BCL2L13: variants seen among roughly 807,000 people sequenced by gnomAD.
The protein encoded by BCL2L13 is BCL2 like 13, also known as bcl-2-like protein 13.
Under a neutral mutation model 25.8 loss-of-function variants are expected in BCL2L13, and 13 were observed. The ratio of observed to expected loss-of-function variants is 0.50; its 90% CI spans 0.33 to 0.80. The LOEUF (loss-of-function observed/expected upper bound fraction) is 0.80, where lower values mean the gene tolerates loss of function less well. Ranked by LOEUF, BCL2L13 falls within the 30% of genes least tolerant of loss-of-function variation. The pLI, the probability that BCL2L13 is intolerant of heterozygous loss-of-function variation, is 0.02. For missense variants in BCL2L13, 504 were observed against 574.9 expected (o/e 0.88, Z 1.26); for synonymous variants, 244 against 230.3 (o/e 1.06, Z -0.54).
chr22:17,708,851 C>A (rs1257927472), intron 6 of BCL2L13, among the ~76,000 whole-genome samples: 2 of 152,146 alleles, frequency 1.3e-5, no homozygotes. Flanking sequence ...AGATATTATT[C>A]TTCTAATATG....
intron 6 of BCL2L13, among the ~76,000 whole-genome samples, chr22:17,720,154 T>TTTTCTTTCTTTC (rs113046030): frequency 0.026 from 3,711 of 141,798 alleles, 115 homozygotes; most frequent in African/African-American, 0.053. Context: ...GTGGGTTTCA[T>TTTTCTTTCTTTC]TTTCTTTCTT....
In BCL2L13 at chr22:17,659,056, TAAAAAAAAAA is replaced by T. The variant is rs752881083; in HGVS notation, c.121+3242_121+3251del. Among the ~76,000 whole-genome samples the T allele has an allele frequency of 2.5e-4, 7 of 28,094 alleles. 2 individuals are homozygous for T. The highest frequency in any genetic ancestry group is 5.4e-4 in the Admixed American group (1 of 1,862). 18.4% of individuals were successfully genotyped at this position (28,094 alleles called of 152,430 possible). A position where few individuals can be genotyped will look rare whatever the true frequency, so the allele number is the denominator to read the frequency against. On this transcript the variant is annotated intron_variant, in intron 2 of 6. Coordinates refer to ENST00000317582, the MANE Select transcript of BCL2L13 (RefSeq NM_015367.4). ...CTGGACGACAGAGCAAGACTCCATC[TAAAAAAAAAA>T]AAAAAAAAAAAAAAAAAGGCCAGGC... is the stretch of plus-strand genomic sequence containing the variant.
At chr22:17,719,021 G>A (rs969116728) in intron 6 of BCL2L13, among the ~76,000 whole-genome samples, 16 of 151,944 alleles carry the variant, frequency 1.1e-4, no homozygotes, top group African/African-American at 3.9e-4. Context: ...AGGCACAGTG[G>A]TGCATGCCTG....
intron 2 of BCL2L13, among the ~76,000 whole-genome samples, chr22:17,663,073 G>C (rs2059123790): frequency 6.6e-6 from 1 of 151,974 alleles, no homozygotes; most frequent in African/African-American, 2.4e-5. Flanking sequence ...GTCTTGCAGT[G>C]TTGCCCAGGC....
rs768886016 is a variant in BCL2L13 at position 17,727,557 on chromosome 22, CAGAA to C, written c.*24_*27del. ...TAGGAGGCTTTTCAGAAGAGAAAGA[CAGAA>C]GGATGTAAGGTTGGAGTTGTATTGG... On this transcript the variant is annotated 3_prime_UTR_variant, in exon 7 of 7. Coordinates refer to ENST00000317582, the MANE Select transcript of BCL2L13 (RefSeq NM_015367.4). 4.3e-6 allele frequency: 7 copies of C among 1,611,126 alleles called. No individual in the cohort carries two copies. The highest frequency in any genetic ancestry group is 1.7e-5 in the Admixed American group (1 of 59,910).
chr22:17,703,238 CAT>C (rs1320087791), intron 6 of BCL2L13: 2 of 152,062 alleles, frequency 1.3e-5, no homozygotes, highest in Non-Finnish European at 2.9e-5. Flanking sequence ...TGTTTCAGAA[CAT>C]GTATTCTCTA....
chr22:17,673,612 C>T (rs912996726), intron 2 of BCL2L13, among the ~76,000 whole-genome samples: 12 of 150,968 alleles, frequency 7.9e-5, no homozygotes, highest in Admixed American at 2.0e-4. Context: ...CTCCTGACCT[C>T]GTGATCCGCC....
At chr22:17,633,647 A>G (rs2058063465), upstream of BCL2L13, among the ~76,000 whole-genome samples, 1 of 152,192 alleles carries the variant, frequency 6.6e-6, no homozygotes, top group South Asian at 2.1e-4. Flanking sequence ...GCTCAGGAGG[A>G]CAAAGCGCGA....
intron 2 of BCL2L13, among the ~76,000 whole-genome samples, chr22:17,674,326 T>G (rs2059509149): frequency 6.6e-6 from 1 of 152,066 alleles, no homozygotes; most frequent in Non-Finnish European, 1.5e-5. Context: ...TTTTTAGAGA[T>G]AGGTTCTTGC....
intron 2 of BCL2L13, among the ~76,000 whole-genome samples, chr22:17,670,523 C>T (rs371617912): frequency 3.3e-5 from 5 of 152,032 alleles, no homozygotes; most frequent in Admixed American, 6.6e-5. Context: ...TACAGGCATG[C>T]GCCATCATGC....
intron 6 of BCL2L13, among the ~76,000 whole-genome samples, chr22:17,712,668 T>C (rs2060795885): frequency 6.6e-6 from 1 of 152,220 alleles, no homozygotes; most frequent in African/African-American, 2.4e-5. Flanking sequence ...ATTCGGATTA[T>C]GTTCTGGCAA....
chr22:17,694,516 AAT>A (rs1491560972), intron 4 of BCL2L13, among the ~76,000 whole-genome samples: 3 of 151,606 alleles, frequency 2.0e-5, no homozygotes, highest in African/African-American at 7.3e-5. Flanking sequence ...TAAAAAAAAA[AAT>A]TTTTTTTTAA....
At chr22:17,675,185 TA>T (rs1262612401) in intron 2 of BCL2L13, among the ~76,000 whole-genome samples, 1 of 152,158 alleles carries the variant, frequency 6.6e-6, no homozygotes, top group Non-Finnish European at 1.5e-5. Context: ...GGTTGGAAAA[TA>T]GTTTTTTAAA....
rs1190801405 is a variant in BCL2L13, at chr22:17,702,277, T to A, written c.491T>A (p.Leu164His). Residue 164 changes from leucine to histidine, a missense_variant, in exon 6 of 7, where the codon CTT (leucine) becomes CAT (histidine). Leu to His is a moderately conservative substitution (Grantham distance 99). Transcript: ENST00000317582. Reference sequence around the variant, plus strand: ...CCTCTGGTTTTGCTACGACAAATGCTTTTGGAATTGACAAGACGTGGTCAA... The same window carrying A: ...CCTCTGGTTTTGCTACGACAAATGCATTTGGAATTGACAAGACGTGGTCAA... ...LVPLVLLRQM[L>H]LELTRRGQEP... The A allele has an allele frequency of 6.2e-7, 1 of 1,610,138 alleles. No homozygotes were observed. The highest frequency in any genetic ancestry group is 1.1e-5 in the South Asian group (1 of 90,398).
chr22:17,635,563 A>T (rs979153024), upstream of BCL2L13, among the ~76,000 whole-genome samples: 11 of 152,134 alleles, frequency 7.2e-5, no homozygotes, highest in East Asian at 1.9e-3. Flanking sequence ...GTTCTGTTCC[A>T]TTGACCTGTA....
chr22:17,639,856 CTTT>C (rs113964087), intron 1 of BCL2L13, among the ~76,000 whole-genome samples: 9 of 140,866 alleles, frequency 6.4e-5, no homozygotes, highest in East Asian at 2.0e-4. Flanking sequence ...TACCTTCTTT[CTTT>C]TTTTTTTTTT....
Position 17,683,244 on chromosome 22 carries a change from TG to T in BCL2L13, c.154del (p.Asp52IlefsTer6). 1 of 1,590,412 alleles carries T rather than the reference TG, an allele frequency of 6.3e-7. No homozygotes were observed. Among genetic ancestry groups the T allele is most frequent in the Non-Finnish European group, 8.6e-7 (1 of 1,164,430 alleles). On this transcript the variant is annotated frameshift_variant, in exon 3 of 7. Coordinates refer to ENST00000317582, the MANE Select transcript of BCL2L13 (RefSeq NM_015367.4). LOFTEE classifies it high-confidence loss of function. ...CAACTAGATATAGCTTCACAATCTC[TG>T]GATCAAGAAATTTTATTAAAAGTTA... ...GVQLDIASQSLDQEILLKVKT... is the reference protein window; with the variant it reads ...GVQLDIASQSXDQEILLKVKT...
chr22:17,700,778 A>G (rs1206737432), intron 5 of BCL2L13, among the ~76,000 whole-genome samples: 2 of 152,224 alleles, frequency 1.3e-5, no homozygotes, highest in South Asian at 2.1e-4. Context: ...TAGAATGTCA[A>G]GAAGTAAAGA....
At chr22:17,660,270 G>T (rs182378944) in intron 2 of BCL2L13, among the ~76,000 whole-genome samples, 2 of 146,698 alleles carry the variant, frequency 1.4e-5, no homozygotes, top group Admixed American at 6.8e-5. Context: ...AAAGAAATGT[G>T]CAGTTATGCA....
Sources: gnomAD v4.1 joint callset for allele counts (sites outside exome capture counted in the v4.1 genomes callset) on GRCh38, gnomAD v4.1.1 for gene constraint, MANE v1.5 for transcripts, NCBI Gene and HGNC (gene_info 2026-07-23, HGNC 2026-07-21) for gene names.